The following FBXO34 variants were observed in gnomAD, a reference collection of about 807,000 sequenced individuals.
The protein encoded by FBXO34 is F-box protein 34.
In FBXO34, 12 loss-of-function variants were observed where a neutral mutation model predicts 24.5. That is an observed-to-expected ratio of 0.49 (90% CI 0.31 to 0.79). The LOEUF is 0.79. Ranked by LOEUF, FBXO34 falls within the 30% of genes least tolerant of loss-of-function variation. FBXO34 has a pLI of 0.04. For synonymous variants in FBXO34, 320 were observed against 311.9 expected, an observed-to-expected ratio of 1.03 and a Z score of -0.27; for missense variants, 823 against 857.7, an observed-to-expected ratio of 0.96 and a Z score of 0.51.
At chr14:55,348,349 C>A (rs921491240) in intron 1 of FBXO34, among the ~76,000 whole-genome samples, 3 of 152,014 alleles carry the variant, frequency 2.0e-5, no homozygotes, top group African/African-American at 7.3e-5. Flanking sequence ...CTGCCTCAAC[C>A]ACCCCATTAG....
downstream of FBXO34, among the ~76,000 whole-genome samples, chr14:55,355,906 G>A (rs1884515910): frequency 6.6e-6 from 1 of 152,218 alleles, no homozygotes; most frequent in African/African-American, 2.4e-5. Flanking sequence ...GAGGTAAAGG[G>A]GTCTTGGAGG....
At chr14:55,312,089 A>G (rs879829989) in intron 1 of FBXO34, among the ~76,000 whole-genome samples, 8 of 149,770 alleles carry the variant, frequency 5.3e-5, no homozygotes, top group Non-Finnish European at 1.2e-4. Context: ...AATCCCAGCT[A>G]CTTGGGAGGC....
intron 1 of FBXO34, among the ~76,000 whole-genome samples, chr14:55,309,257 T>A (rs1216878837): frequency 6.6e-6 from 1 of 152,086 alleles, no homozygotes; most frequent in Non-Finnish European, 1.5e-5. Context: ...TGGCCAAGGT[T>A]GATGTGAAAA....
Position 55,352,605 on chromosome 14 carries a change from C to G in FBXO34, c.*79C>G. On this transcript the variant is annotated 3_prime_UTR_variant, in exon 2 of 2. Coordinates refer to ENST00000313833, the MANE Select transcript of FBXO34 (RefSeq NM_017943.4). ...GATACACCGTTCAAATGAGCGTAGC[C>G]CCCTGAGTCATCACTCTAGAAGAAT... is the stretch of plus-strand genomic sequence containing the variant. The G allele has an allele frequency of 8.6e-7, 1 of 1,168,570 alleles. No homozygotes were observed. Among genetic ancestry groups the G allele is most frequent in the Non-Finnish European group, 1.2e-6 (1 of 836,638 alleles). The allele number at this position is 1,168,570 out of a possible 1,614,324, so 72.4% of individuals were successfully genotyped here. A position where few individuals can be genotyped will look rare whatever the true frequency, so the allele number is the denominator to read the frequency against.
At chr14:55,369,777 G>C, downstream of FBXO34, 6 of 1,614,188 alleles carry the variant, frequency 3.7e-6, no homozygotes, top group Non-Finnish European at 5.1e-6. Flanking sequence ...CAAAACCGGG[G>C]ACTAGGCAAG....
the FBXO34 span, chr14:55,437,042 G>GACAA: frequency 6.3e-7 from 1 of 1,596,864 alleles, no homozygotes; most frequent in Non-Finnish European, 8.6e-7. Flanking sequence ...AAAACAGACA[G>GACAA]ACAAAAACAC....
chr14:55,387,522 C>G, the FBXO34 span, among the ~76,000 whole-genome samples: 1 of 152,106 alleles, frequency 6.6e-6, no homozygotes, highest in Admixed American at 6.5e-5. Context: ...CTCTTGGTTC[C>G]TCAGATGAGG....
the FBXO34 span, chr14:55,385,896 C>A: frequency 6.2e-7 from 1 of 1,613,088 alleles, no homozygotes; most frequent in African/African-American, 1.3e-5. Flanking sequence ...GGAAAAATGA[C>A]AGAGGTGAGC....
intron 1 of FBXO34, among the ~76,000 whole-genome samples, chr14:55,341,092 G>C (rs1210368429): frequency 1.3e-5 from 2 of 152,160 alleles, no homozygotes. Flanking sequence ...ACTGCAGCGG[G>C]GTCTTGCAGC....
intron 1 of FBXO34, among the ~76,000 whole-genome samples, chr14:55,323,033 AG>A (rs201256622): frequency 0.29 from 37,264 of 128,600 alleles, 6,257 homozygotes; most frequent in Non-Finnish European, 0.33. Context: ...AAAAAAAAAA[AG>A]CAAAAACGGG....
At chr14:55,393,643 CA>C in the FBXO34 span, among the ~76,000 whole-genome samples, 1 of 151,420 alleles carries the variant, frequency 6.6e-6, no homozygotes, top group Non-Finnish European at 1.5e-5. Flanking sequence ...CTCCCTGGCT[CA>C]AGTGATCCTC....
chr14:55,363,189 A>ATT (rs577527169), downstream of FBXO34, among the ~76,000 whole-genome samples: 9,700 of 137,450 alleles, frequency 0.071, 385 homozygotes, highest in South Asian at 0.1. Context: ...CGCCTGGCTA[A>ATT]TTTTTTTTTT....
the FBXO34 span, chr14:55,382,226 G>A: frequency 1.9e-6 from 3 of 1,603,278 alleles, no homozygotes; most frequent in Non-Finnish European, 2.6e-6. Flanking sequence ...ATTTTCAAGA[G>A]AGAGGGTTTT....
chr14:55,301,076 T>A (rs1404739327), intron 1 of FBXO34, among the ~76,000 whole-genome samples: 1 of 152,222 alleles, frequency 6.6e-6, no homozygotes. Flanking sequence ...CCAAATTCCT[T>A]GTTACTACAG....
At chr14:55,409,477 AAAGAT>A in the FBXO34 span, among the ~76,000 whole-genome samples, 2 of 152,228 alleles carry the variant, frequency 1.3e-5, no homozygotes, top group Non-Finnish European at 2.9e-5. Context: ...ATGGAAAAGA[AAAGAT>A]AATAAAGCTG....
chr14:55,370,436 GA>G (rs1884787921), downstream of FBXO34, among the ~76,000 whole-genome samples: 1 of 152,194 alleles, frequency 6.6e-6, no homozygotes, highest in African/African-American at 2.4e-5. Flanking sequence ...TTCTAGCACA[GA>G]ATGAGGCACA....
the FBXO34 span, chr14:55,424,226 A>T: frequency 6.2e-7 from 1 of 1,613,328 alleles, no homozygotes; most frequent in Non-Finnish European, 8.5e-7. Flanking sequence ...TTCTATAAAT[A>T]AGACCAGGAA....
At chr14:55,298,675 A>C in intron 1 of FBXO34, 1 of 1,545,802 alleles carries the variant, frequency 6.5e-7, no homozygotes, top group Non-Finnish European at 8.8e-7. Flanking sequence ...AAGGCCGGCA[A>C]GGGCGGCCTG....
the FBXO34 span, among the ~76,000 whole-genome samples, chr14:55,402,599 C>G: frequency 2.0e-5 from 3 of 151,672 alleles, no homozygotes; most frequent in Non-Finnish European, 4.4e-5. Context: ...TATGAGTATG[C>G]TTTTATTCTT....
Sources: allele counts gnomAD v4.1 joint callset (sites outside exome capture counted in the v4.1 genomes callset), GRCh38; gene constraint gnomAD v4.1.1; transcripts MANE v1.5; gene names NCBI Gene and HGNC (gene_info 2026-07-23, HGNC 2026-07-21).